Variants in PPP1R9A observed in about 807,000 individuals in gnomAD.
The protein encoded by PPP1R9A is protein phosphatase 1 regulatory subunit 9A.
PPP1R9A carries 59 observed loss-of-function variants against 141.9 expected under a neutral mutation model. The ratio of observed to expected loss-of-function variants is 0.42; its 90% CI spans 0.34 to 0.52. The LOEUF (loss-of-function observed/expected upper bound fraction) is 0.52. Ranked by LOEUF, PPP1R9A falls within the 20% of genes least tolerant of loss-of-function variation. The probability of loss-of-function intolerance (pLI) is 0.10; values close to 1 mark genes in which losing one functional copy is unlikely to be tolerated. For synonymous variants in PPP1R9A, 500 were observed against 569.7 expected (o/e 0.88, Z 1.74); for missense variants, 1,444 against 1,611.9 (o/e 0.90, Z 1.78).
intron 2 of PPP1R9A, among the ~76,000 whole-genome samples, chr7:94,967,891 T>C (rs1798391680): frequency 6.6e-6 from 1 of 152,144 alleles, no homozygotes; most frequent in African/African-American, 2.4e-5. Context: ...ATTCTGTTGA[T>C]TTGGGGTGGA....
chr7:95,151,529 A>G (rs540234553), intron 4 of PPP1R9A, among the ~76,000 whole-genome samples: 1 of 152,286 alleles, frequency 6.6e-6, no homozygotes, highest in South Asian at 2.1e-4. Flanking sequence ...ATTCTGTATG[A>G]TACTATAATG....
In PPP1R9A at chr7:95,124,276, A is replaced by G. The variant is rs113855071; in HGVS notation, c.1649+3444A>G. On this transcript the variant is annotated intron_variant, in intron 4 of 19. Coordinates refer to ENST00000433360, the MANE Select transcript of PPP1R9A (RefSeq NM_001166160.2). ...TTTTAAGTTATGTACACTTACTGAT[A>G]TAGAAAAATATTCCATTAAGGATTT... Among the ~76,000 whole-genome samples, 1,178 of 152,282 alleles carry G rather than the reference A, an allele frequency of 7.7e-3. 28 individuals are homozygous for G. The highest frequency in any genetic ancestry group is 0.041 in the Admixed American group (628 of 15,290).
intron 2 of PPP1R9A, among the ~76,000 whole-genome samples, chr7:94,954,225 T>A (rs1253251573): frequency 1.3e-5 from 2 of 152,098 alleles, no homozygotes; most frequent in South Asian, 2.1e-4. Flanking sequence ...TCGCAAGTTT[T>A]TATATTTGTA....
intron 2 of PPP1R9A, among the ~76,000 whole-genome samples, chr7:94,925,173 A>G (rs1042870191): frequency 2.0e-5 from 3 of 152,292 alleles, no homozygotes; most frequent in Non-Finnish European, 2.9e-5. Context: ...CTGACATTGC[A>G]GTTCAAGTAT....
At chr7:94,933,945 A>G (rs546553711) in intron 2 of PPP1R9A, among the ~76,000 whole-genome samples, 1 of 152,340 alleles carries the variant, frequency 6.6e-6, no homozygotes, top group Non-Finnish European at 1.5e-5. Flanking sequence ...TTTGAAGCAG[A>G]CTGCCATTGA....
intron 2 of PPP1R9A, among the ~76,000 whole-genome samples, chr7:95,110,950 G>A (rs1006814244): frequency 6.6e-6 from 1 of 152,148 alleles, no homozygotes; most frequent in African/African-American, 2.4e-5. Context: ...ACAGCAGAGC[G>A]TTCCAGCTAA....
chr7:95,100,372 A>G (rs1017526161), intron 2 of PPP1R9A, among the ~76,000 whole-genome samples: 4 of 152,326 alleles, frequency 2.6e-5, no homozygotes, highest in Non-Finnish European at 4.4e-5. Flanking sequence ...GGACTTTTGT[A>G]TATGTTTGAA....
At chr7:95,198,134 C>A (rs894838987) in intron 5 of PPP1R9A, among the ~76,000 whole-genome samples, 1 of 151,712 alleles carries the variant, frequency 6.6e-6, no homozygotes, top group African/African-American at 2.4e-5. Flanking sequence ...TTACTTTTTT[C>A]CCCCTTCTTT....
At chr7:94,984,269 C>G (rs1800513878) in intron 2 of PPP1R9A, among the ~76,000 whole-genome samples, 1 of 152,174 alleles carries the variant, frequency 6.6e-6, no homozygotes. Flanking sequence ...CAATGTTCGT[C>G]AGGGATATTG....
At chr7:94,917,791 TGAAAG>T (rs1420262902) in intron 2 of PPP1R9A, among the ~76,000 whole-genome samples, 1 of 152,170 alleles carries the variant, frequency 6.6e-6, no homozygotes. Flanking sequence ...TTCATGTACT[TGAAAG>T]ATAAGATGCC....
chr7:95,190,278 GT>G lies in PPP1R9A; in HGVS notation c.1755-8070del, dbSNP rs1199761396. Among the ~76,000 whole-genome samples the G allele has an allele frequency of 9.8e-5, 15 of 152,308 alleles. No homozygotes were observed. In the East Asian group the frequency reaches 2.9e-3, roughly 29 times the overall value. Reference sequence around the variant, plus strand: ...GGGACTTCCTGCAAGCCAGACTTCAGTGACTGTTATTGCTCCTCTGGGTTTA... The same window carrying G: ...GGGACTTCCTGCAAGCCAGACTTCAGGACTGTTATTGCTCCTCTGGGTTTA... On this transcript the variant is annotated intron_variant, in intron 5 of 19. Transcript: ENST00000433360.
At chr7:95,239,378 A>G (rs1450192765) in intron 8 of PPP1R9A, among the ~76,000 whole-genome samples, 1 of 152,172 alleles carries the variant, frequency 6.6e-6, no homozygotes, top group Non-Finnish European at 1.5e-5. Flanking sequence ...CCTATTTTTA[A>G]CATAAACATA....
intron 2 of PPP1R9A, among the ~76,000 whole-genome samples, chr7:95,088,338 T>C (rs1040711160): frequency 8.6e-5 from 13 of 151,982 alleles, no homozygotes; most frequent in African/African-American, 3.2e-4. Context: ...TTAAAATATA[T>C]GGTGGTACCC....
At chr7:95,001,458 T>A (rs1318762501) in intron 2 of PPP1R9A, among the ~76,000 whole-genome samples, 1 of 152,198 alleles carries the variant, frequency 6.6e-6, no homozygotes, top group Admixed American at 6.5e-5. Flanking sequence ...GTATTAAATC[T>A]TTATGGTAAA....
At chr7:95,233,703 A>C in intron 8 of PPP1R9A, among the ~76,000 whole-genome samples, 1 of 152,080 alleles carries the variant, frequency 6.6e-6, no homozygotes, top group African/African-American at 2.4e-5. Context: ...CCTAATACCC[A>C]AACCGGGAAG....
At chr7:94,923,340 C>T (rs924259067) in intron 2 of PPP1R9A, among the ~76,000 whole-genome samples, 1 of 152,118 alleles carries the variant, frequency 6.6e-6, no homozygotes, top group Non-Finnish European at 1.5e-5. Flanking sequence ...AAATAATAAA[C>T]ATGTACTTAA....
At chr7:95,009,416 C>T (rs1804097692) in intron 2 of PPP1R9A, among the ~76,000 whole-genome samples, 1 of 152,174 alleles carries the variant, frequency 6.6e-6, no homozygotes, top group Non-Finnish European at 1.5e-5. Context: ...GGATTCTTAA[C>T]GTCTTCGCCA....
intron 19 of PPP1R9A, among the ~76,000 whole-genome samples, chr7:95,289,786 A>G (rs997328697): frequency 2.6e-5 from 4 of 151,858 alleles, no homozygotes; most frequent in Non-Finnish European, 4.4e-5. Flanking sequence ...GTAAATGCCT[A>G]CAGCCCAAAG....
intron 2 of PPP1R9A, among the ~76,000 whole-genome samples, chr7:94,966,571 A>G (rs1210340589): frequency 6.6e-6 from 1 of 152,204 alleles, no homozygotes; most frequent in African/African-American, 2.4e-5. Context: ...TATTGAGATA[A>G]TCATGTGGTT....
Sources: gnomAD v4.1 joint callset for allele counts (sites outside exome capture counted in the v4.1 genomes callset) on GRCh38, gnomAD v4.1.1 for gene constraint, MANE v1.5 for transcripts, NCBI Gene and HGNC (gene_info 2026-07-23, HGNC 2026-07-21) for gene names.